The following DAB2IP variants were observed in gnomAD, a reference collection of about 807,000 sequenced individuals.
DAB2IP encodes the protein DAB2 interacting protein.
A neutral mutation model predicts 107.2 loss-of-function variants in DAB2IP; 28 were observed. The ratio of observed to expected loss-of-function variants is 0.26; its 90% CI spans 0.19 to 0.36. The LOEUF is 0.36. Among genes scored for constraint, DAB2IP ranks in the 10% least tolerant of loss-of-function variants. DAB2IP has a pLI of 1.00. For missense variants in DAB2IP, 1,400 were observed against 1,644.7 expected, an observed-to-expected ratio of 0.85 and a Z score of 2.57; for synonymous variants, 755 against 706.4, an observed-to-expected ratio of 1.07 and a Z score of -1.09.
chr9:121,676,235 A>G (rs377339912), intron 1 of DAB2IP, among the ~76,000 whole-genome samples: 1 of 152,222 alleles, frequency 6.6e-6, no homozygotes, highest in Non-Finnish European at 1.5e-5. Flanking sequence ...ACTCCTGTCC[A>G]TGTGACTGTG....
chr9:121,613,075 AG>A (rs1210698201), intron 1 of DAB2IP, among the ~76,000 whole-genome samples: 4 of 152,196 alleles, frequency 2.6e-5, no homozygotes, highest in African/African-American at 9.7e-5. Context: ...ATGTGGAAGG[AG>A]AAGATGCAGG....
At chr9:121,572,702 G>A (rs1041981390) in intron 1 of DAB2IP, among the ~76,000 whole-genome samples, 12 of 152,258 alleles carry the variant, frequency 7.9e-5, no homozygotes, top group Admixed American at 5.2e-4. Context: ...TTTTTCAGGC[G>A]GTCTTGGAGC....
At chr9:121,592,861 C>T (rs1382106566) in intron 1 of DAB2IP, among the ~76,000 whole-genome samples, 1 of 152,042 alleles carries the variant, frequency 6.6e-6, no homozygotes, top group Non-Finnish European at 1.5e-5. Flanking sequence ...GATTGGAATC[C>T]CTGGGCTACA....
At chr9:121,628,675 C>T (rs1205126292) in intron 1 of DAB2IP, among the ~76,000 whole-genome samples, 1 of 152,164 alleles carries the variant, frequency 6.6e-6, no homozygotes, top group Admixed American at 6.5e-5. Flanking sequence ...GGCATCCCCT[C>T]GGCAGGGGCA....
At chr9:121,605,924 C>T (rs1830855444) in intron 1 of DAB2IP, among the ~76,000 whole-genome samples, 1 of 152,176 alleles carries the variant, frequency 6.6e-6, no homozygotes, top group African/African-American at 2.4e-5. Flanking sequence ...CGAGGAGTCA[C>T]ATAACTGTTC....
chr9:121,770,840 G>A, intron 11 of DAB2IP, 116 bp downstream of exon 11: 1 of 1,375,924 alleles, frequency 7.3e-7, no homozygotes, highest in Non-Finnish European at 9.8e-7. Flanking sequence ...AAACAAGCCT[G>A]GCAAGACTTG....
chr9:121,593,673 CT>C (rs71370677), intron 1 of DAB2IP, among the ~76,000 whole-genome samples: 73,248 of 111,780 alleles, frequency 0.66, 21,875 homozygotes, highest in East Asian at 0.91. Context: ...CTTTTTTTTT[CT>C]TTTTTTTTTT....
At position 121,735,062 on chromosome 9, in the gene DAB2IP, C is replaced by T. The variant is rs77469519; in HGVS notation, c.363-21951C>T. On this transcript the variant is annotated intron_variant, in intron 3 of 15. Transcript: ENST00000408936. ...TCTGAGACTCTATCTTCACCTCTCC[C>T]CTGCTAGGAAATTTTATTAAGACAT... Among the ~76,000 whole-genome samples, 3,236 of 152,292 alleles carry T rather than the reference C, an allele frequency of 0.021. 171 individuals are homozygous for T. The East Asian group carries it at 0.23, about 11-fold the overall frequency.
chr9:121,772,201 C>T lies in DAB2IP; in HGVS notation c.2079-406C>T, dbSNP rs1834809910. On this transcript the variant is annotated intron_variant, in intron 11 of 15. Transcript: ENST00000408936. The surrounding 1 kb of genome is among the most constrained non-coding windows in gnomAD (Gnocchi z 4.7). ...ACAAGAGGGAAGAGGCAGAGGGAAC[C>T]CAGTGACTCTGAAGTTGGGGTTCTC... Among the ~76,000 whole-genome samples, 1 of 152,174 alleles carries T rather than the reference C, an allele frequency of 6.6e-6. No individual in the cohort carries two copies. The highest frequency in any genetic ancestry group is 2.4e-5 in the African/African-American group (1 of 41,458).
chr9:121,665,865 G>A (rs140041505), intron 1 of DAB2IP, among the ~76,000 whole-genome samples: 4 of 152,294 alleles, frequency 2.6e-5, no homozygotes, highest in African/African-American at 7.2e-5. Flanking sequence ...TGAATCAGAC[G>A]ATGATCTGAA....
intron 1 of DAB2IP, among the ~76,000 whole-genome samples, chr9:121,601,070 A>G (rs1830671886): frequency 6.6e-6 from 1 of 152,188 alleles, no homozygotes; most frequent in Non-Finnish European, 1.5e-5. Context: ...TTGTAGGCTC[A>G]GGTTTAAACA....
chr9:121,774,516 T>A, intron 13 of DAB2IP, 104 bp downstream of exon 13: 1 of 1,325,258 alleles, frequency 7.5e-7, no homozygotes, highest in Non-Finnish European at 1.0e-6. Context: ...GCTGCTGTCC[T>A]TGTGAAGGGC....
chr9:121,712,874 ATGTGCCAGCG>A (rs1830404369), intron 3 of DAB2IP, among the ~76,000 whole-genome samples: 1 of 152,218 alleles, frequency 6.6e-6, no homozygotes, highest in Non-Finnish European at 1.5e-5. Context: ...AGAGGCTTTA[ATGTGCCAGCG>A]TGTGTCTGAG....
At chr9:121,661,932 G>A (rs959118684) in intron 1 of DAB2IP, among the ~76,000 whole-genome samples, 3 of 151,364 alleles carry the variant, frequency 2.0e-5, no homozygotes, top group African/African-American at 4.9e-5. Context: ...GATGACCTAT[G>A]ATCGCACCAC....
At chr9:121,639,122 C>T (rs1832192562) in intron 1 of DAB2IP, among the ~76,000 whole-genome samples, 1 of 152,178 alleles carries the variant, frequency 6.6e-6, no homozygotes, top group Non-Finnish European at 1.5e-5. Context: ...AACTCTTGTG[C>T]CTGTAAAATG....
rs140379738 is a variant in DAB2IP, at chr9:121,760,175, C to T, written c.906C>T (p.Ala302=). 4.9e-5 allele frequency: 79 copies of T among 1,613,594 alleles called. No individual in the cohort carries two copies. The highest frequency in any genetic ancestry group is 2.2e-4 in the East Asian group (10 of 44,860). ...TGAGCCTACCTGCTGCCTCGGTGGC[C>T]GGGCGGCAGTTCGTGGAGAAGTGGT... The change falls in exon 6 of 16, where the codon GCC becomes GCT. Residue 302 remains alanine (A), a synonymous_variant. Coordinates refer to ENST00000408936, the Ensembl canonical transcript of DAB2IP. The surrounding 1 kb of genome is among the most constrained non-coding windows in gnomAD (Gnocchi z 5.9).
intron 3 of DAB2IP, among the ~76,000 whole-genome samples, chr9:121,756,739 A>G (rs1031814353): frequency 6.6e-6 from 1 of 152,232 alleles, no homozygotes; most frequent in Non-Finnish European, 1.5e-5. Context: ...CCGCAGGCTC[A>G]CTTGCAAATA....
intron 1 of DAB2IP, among the ~76,000 whole-genome samples, chr9:121,606,884 C>T (rs1480400418): frequency 6.6e-6 from 1 of 151,884 alleles, no homozygotes; most frequent in Non-Finnish European, 1.5e-5. Flanking sequence ...ATGCAGTTCT[C>T]CTGTCTCAGC....
chr9:121,578,826 C>A (rs1198154193), intron 1 of DAB2IP, among the ~76,000 whole-genome samples: 1 of 147,698 alleles, frequency 6.8e-6, no homozygotes, highest in African/African-American at 2.5e-5. Flanking sequence ...CTGCAACCTC[C>A]ACCTCCCAGG....
Sources: gnomAD v4.1 joint callset for allele counts (sites outside exome capture counted in the v4.1 genomes callset) on GRCh38, gnomAD v4.1.1 for gene constraint, Gnocchi (gnomAD v3.1) non-coding constraint, MANE v1.5 for transcripts, NCBI Gene and HGNC (gene_info 2026-07-23, HGNC 2026-07-21) for gene names.